The following PDE7B variants were observed in gnomAD, a reference collection of about 807,000 sequenced individuals.
PDE7B encodes phosphodiesterase 7B.
PDE7B carries 29 observed loss-of-function variants against 56.2 expected under a neutral mutation model. The ratio of observed to expected loss-of-function variants is 0.52; its 90% CI spans 0.38 to 0.70. PDE7B has a LOEUF of 0.70. Among genes scored for constraint, PDE7B ranks in the 30% least tolerant of loss-of-function variants. The pLI is 0.00. For missense variants in PDE7B, 490 were observed against 565.0 expected, an observed-to-expected ratio of 0.87 and a Z score of 1.35; for synonymous variants, 197 against 196.9, an observed-to-expected ratio of 1.00 and a Z score of 0.00.
chr6:135,898,456 A>C lies in PDE7B; in HGVS notation c.21+46437A>C, dbSNP rs183343164. Among the ~76,000 whole-genome samples the C allele has an allele frequency of 1.3e-3, 192 of 152,256 alleles. 3 individuals are homozygous for C. The highest frequency in any genetic ancestry group is 4.0e-3 in the African/African-American group (167 of 41,562). On this transcript the variant is annotated intron_variant, in intron 1 of 12. Coordinates refer to ENST00000308191, the MANE Select transcript of PDE7B (RefSeq NM_018945.4). ...AGTGACCTGTAATCATGTCCCCCAG[A>C]GACAGAATATTTTGTTTGAATGAAG...
At chr6:136,048,305 CCT>C (rs1212696792) in intron 2 of PDE7B, among the ~76,000 whole-genome samples, 1 of 152,072 alleles carries the variant, frequency 6.6e-6, no homozygotes, top group Admixed American at 6.6e-5. Flanking sequence ...AGGTGGATCA[CCT>C]GAGGTCAGGA....
intron 3 of PDE7B, among the ~76,000 whole-genome samples, chr6:136,142,160 G>A (rs557264550): frequency 6.6e-6 from 1 of 152,260 alleles, no homozygotes; most frequent in African/African-American, 2.4e-5. Context: ...TTGTGTCTTT[G>A]TTCTCACTGG....
intron 3 of PDE7B, among the ~76,000 whole-genome samples, chr6:136,125,198 A>G (rs1044074963): frequency 2.6e-5 from 4 of 152,152 alleles, no homozygotes; most frequent in Non-Finnish European, 4.4e-5. Flanking sequence ...TAATCGTTAC[A>G]TGTATATTTT....
At chr6:135,900,487 A>G (rs548199537) in intron 1 of PDE7B, among the ~76,000 whole-genome samples, 5 of 152,106 alleles carry the variant, frequency 3.3e-5, no homozygotes, top group Admixed American at 2.6e-4. Flanking sequence ...ATTATTTCCA[A>G]TGATAATTCA....
chr6:136,106,227 C>T (rs925461534), intron 2 of PDE7B, among the ~76,000 whole-genome samples: 8 of 152,204 alleles, frequency 5.3e-5, no homozygotes, highest in Non-Finnish European at 8.8e-5. Flanking sequence ...ATATGTCTCC[C>T]TTCTTACCAT....
intron 1 of PDE7B, among the ~76,000 whole-genome samples, chr6:135,916,013 A>T (rs1224117912): frequency 6.6e-6 from 1 of 152,218 alleles, no homozygotes; most frequent in Non-Finnish European, 1.5e-5. Flanking sequence ...TACTATAAAC[A>T]TTTTTGTGCA....
intron 5 of PDE7B, 28 bp from the exon 6 acceptor site, chr6:136,151,128 ATTAG>A (rs780359069): frequency 2.7e-6 from 3 of 1,124,918 alleles, no homozygotes; most frequent in African/African-American, 3.1e-5. Flanking sequence ...GGTGATCAAA[ATTAG>A]TTAAAGGAAG....
intron 2 of PDE7B, among the ~76,000 whole-genome samples, chr6:136,028,910 A>G (rs1362762347): frequency 6.6e-6 from 1 of 152,214 alleles, no homozygotes; most frequent in Non-Finnish European, 1.5e-5. Context: ...TATTCTGCCT[A>G]CTATACATAA....
chr6:136,138,399 AT>A (rs1413219473), intron 3 of PDE7B, among the ~76,000 whole-genome samples: 1 of 151,980 alleles, frequency 6.6e-6, no homozygotes, highest in Non-Finnish European at 1.5e-5. Context: ...TGTTATATGA[AT>A]TTTTTTCCTC....
At chr6:135,911,517 T>C (rs1776212009) in intron 1 of PDE7B, among the ~76,000 whole-genome samples, 1 of 152,246 alleles carries the variant, frequency 6.6e-6, no homozygotes, top group Non-Finnish European at 1.5e-5. Flanking sequence ...TGGTAGACTT[T>C]AGATGCAAAT....
At chr6:135,947,033 G>A (rs1489645866) in intron 1 of PDE7B, among the ~76,000 whole-genome samples, 4 of 151,992 alleles carry the variant, frequency 2.6e-5, no homozygotes, top group Non-Finnish European at 5.9e-5. Context: ...TAAAGTATAG[G>A]CCACCTAGCT....
chr6:135,965,105 C>T, intron 2 of PDE7B, among the ~76,000 whole-genome samples: 1 of 152,214 alleles, frequency 6.6e-6, no homozygotes, highest in Admixed American at 6.5e-5. Flanking sequence ...TTTGCAGTTG[C>T]ACTCCAGCCT....
chr6:136,084,467 A>C (rs964026968), intron 2 of PDE7B, among the ~76,000 whole-genome samples: 2 of 152,184 alleles, frequency 1.3e-5, no homozygotes, highest in African/African-American at 4.8e-5. Flanking sequence ...TAGGGAAGGG[A>C]AATTTTACAC....
intron 2 of PDE7B, among the ~76,000 whole-genome samples, chr6:135,982,587 G>A (rs1364908313): frequency 6.6e-6 from 1 of 152,126 alleles, no homozygotes; most frequent in Non-Finnish European, 1.5e-5. Flanking sequence ...ACTTTGACAT[G>A]CATATACATC....
intron 2 of PDE7B, among the ~76,000 whole-genome samples, chr6:136,001,293 C>T (rs1439673251): frequency 6.6e-6 from 1 of 152,178 alleles, no homozygotes; most frequent in Non-Finnish European, 1.5e-5. Flanking sequence ...AGCAGAGCAC[C>T]TCTCCTCCTC....
intron 2 of PDE7B, among the ~76,000 whole-genome samples, chr6:135,988,704 T>A (rs964977301): frequency 4.6e-5 from 7 of 152,174 alleles, no homozygotes; most frequent in African/African-American, 1.7e-4. Context: ...GTAAAAGGAA[T>A]TATAAATTTA....
At chr6:135,906,865 T>C (rs1287383959) in intron 1 of PDE7B, among the ~76,000 whole-genome samples, 1 of 144,340 alleles carries the variant, frequency 6.9e-6, no homozygotes, top group African/African-American at 2.6e-5. Context: ...CAGGATGTCA[T>C]TGTGGAAAGG....
chr6:136,162,368 A>C (rs1447176132), intron 8 of PDE7B: 1 of 152,086 alleles, frequency 6.6e-6, no homozygotes, highest in Non-Finnish European at 1.5e-5. Context: ...AGGGAAAAAA[A>C]ACCCTTATAA....
intron 3 of PDE7B, among the ~76,000 whole-genome samples, chr6:136,131,866 T>C (rs928977022): frequency 4.6e-5 from 7 of 152,186 alleles, no homozygotes; most frequent in Admixed American, 4.6e-4. Flanking sequence ...AAGTTGTCTT[T>C]CACTATTAGC....
Sources: allele counts gnomAD v4.1 joint callset (sites outside exome capture counted in the v4.1 genomes callset), GRCh38; gene constraint gnomAD v4.1.1; transcripts MANE v1.5; gene names NCBI Gene and HGNC (gene_info 2026-07-23, HGNC 2026-07-21).